The following PTPRD variants were observed in gnomAD, a reference collection of about 807,000 sequenced individuals.
PTPRD encodes receptor-type tyrosine-protein phosphatase delta.
PTPRD carries 34 observed loss-of-function variants against 214.5 expected under a neutral mutation model. The observed-to-expected ratio is 0.16, with a 90% CI of 0.12 to 0.21. The LOEUF (loss-of-function observed/expected upper bound fraction) is 0.21. PTPRD is among the 10% of genes least tolerant of loss of function. The pLI is 1.00. For synonymous variants in PTPRD, 1,128 were observed against 845.7 expected, an observed-to-expected ratio of 1.33 and a Z score of -5.79; for missense variants, 2,545 against 2,398.7, an observed-to-expected ratio of 1.06 and a Z score of -1.27.
intron 2 of PTPRD, among the ~76,000 whole-genome samples, chr9:10,453,755 T>A (rs1329953321): frequency 6.6e-6 from 1 of 151,660 alleles, no homozygotes; most frequent in Non-Finnish European, 1.5e-5. Context: ...ACCAAAACCA[T>A]GTACCTTCTT....
chr9:9,098,629 C>T (rs566584251), intron 10 of PTPRD, among the ~76,000 whole-genome samples: 5 of 152,192 alleles, frequency 3.3e-5, no homozygotes, highest in South Asian at 2.1e-4. Flanking sequence ...AAGTTACTAA[C>T]GATGAAAAGA....
At chr9:10,324,431 T>C (rs1253277895) in intron 3 of PTPRD, among the ~76,000 whole-genome samples, 2 of 152,078 alleles carry the variant, frequency 1.3e-5, no homozygotes, top group African/African-American at 2.4e-5. Context: ...TATGACTTCA[T>C]AGCAAGAATG....
chr9:8,427,760 T>C (rs1480795213), intron 35 of PTPRD, among the ~76,000 whole-genome samples: 3 of 152,086 alleles, frequency 2.0e-5, no homozygotes, highest in African/African-American at 7.2e-5. Context: ...TAGGGTTTCA[T>C]TGATTCTAAG....
intron 43 of PTPRD, among the ~76,000 whole-genome samples, chr9:8,333,935 G>C (rs1306936666): frequency 1.3e-5 from 2 of 152,032 alleles, no homozygotes; most frequent in African/African-American, 2.4e-5. Flanking sequence ...AAGAGACAAA[G>C]AAGGCCATTA....
chr9:10,326,605 A>G (rs1260845005), intron 3 of PTPRD, among the ~76,000 whole-genome samples: 1 of 151,602 alleles, frequency 6.6e-6, no homozygotes, highest in Admixed American at 6.6e-5. Context: ...GTTTTATTGA[A>G]TATTAATTAT....
chr9:9,756,796 T>C (rs886354665), intron 6 of PTPRD, among the ~76,000 whole-genome samples: 1 of 152,114 alleles, frequency 6.6e-6, no homozygotes, highest in African/African-American at 2.4e-5. Context: ...GAGACCACAG[T>C]CTTAAAGATT....
At chr9:9,060,435 G>A (rs1014823089) in intron 10 of PTPRD, among the ~76,000 whole-genome samples, 29 of 151,878 alleles carry the variant, frequency 1.9e-4, no homozygotes, top group Admixed American at 3.9e-4. Context: ...AGAATCTTGG[G>A]ACAGAAGAAA....
rs376893466 is a variant in PTPRD at position 9,396,747 on chromosome 9, C to A, written c.-203+702G>T. On this transcript the variant is annotated intron_variant, in intron 9 of 45. Coordinates refer to ENST00000381196, the MANE Select transcript of PTPRD (RefSeq NM_002839.4). ...AAAAAATGCAACACTTTCTCTCAAT[C>A]TGCTCTAAACTGGTAAACTCTCAAG... Among the ~76,000 whole-genome samples the A allele has an allele frequency of 3.3e-5, 5 of 152,024 alleles. No homozygotes were observed. In the East Asian group the frequency reaches 5.8e-4, roughly 18 times the overall value.
intron 42 of PTPRD, among the ~76,000 whole-genome samples, chr9:8,340,067 G>T (rs558242896): frequency 6.6e-6 from 1 of 152,140 alleles, no homozygotes; most frequent in Non-Finnish European, 1.5e-5. Flanking sequence ...AAAGAAGTCC[G>T]ACATAAGTCA....
chr9:9,585,867 T>G (rs910980580), intron 7 of PTPRD, among the ~76,000 whole-genome samples: 6 of 151,992 alleles, frequency 3.9e-5, no homozygotes, highest in Admixed American at 2.0e-4. Context: ...AAGGGAAGGC[T>G]TGAGGTGTGT....
chr9:8,682,868 T>C (rs1415177046), intron 12 of PTPRD, among the ~76,000 whole-genome samples: 2 of 152,248 alleles, frequency 1.3e-5, no homozygotes, highest in Non-Finnish European at 2.9e-5. Context: ...TGTTCCTTTC[T>C]GAGTTGTTGT....
At chr9:9,308,583 C>G (rs753815990) in intron 9 of PTPRD, among the ~76,000 whole-genome samples, 1 of 152,126 alleles carries the variant, frequency 6.6e-6, no homozygotes, top group Non-Finnish European at 1.5e-5. Context: ...CTATTAAAGA[C>G]TGGTATTTGC....
Position 9,724,137 on chromosome 9 carries a change from G to A in PTPRD, c.-287+10396C>T, listed in dbSNP as rs376458947. On this transcript the variant is annotated intron_variant, in intron 7 of 45. Transcript: ENST00000381196. ...TTGTTATTGTTGTAGCTAAATTCAT[G>A]TGATTGACTTCTAGTTTCAGTACAG... 1.7e-3 allele frequency among the ~76,000 whole-genome samples: 253 copies of A among 152,236 alleles called. 1 individual carries two copies. Among genetic ancestry groups the A allele is most frequent in the African/African-American group, 5.7e-3 (236 of 41,558 alleles).
intron 11 of PTPRD, among the ~76,000 whole-genome samples, chr9:8,895,207 T>G (rs1343720085): frequency 1.3e-5 from 2 of 152,166 alleles, no homozygotes; most frequent in East Asian, 3.9e-4. Context: ...AGAATGACAA[T>G]GTTTCCTTTT....
chr9:8,783,214 G>A (rs2095806402), intron 11 of PTPRD, among the ~76,000 whole-genome samples: 1 of 152,148 alleles, frequency 6.6e-6, no homozygotes, highest in Non-Finnish European at 1.5e-5. Flanking sequence ...AGTTCAAAAT[G>A]ATTGTAATTA....
At chr9:8,776,818 T>A (rs1006705914) in intron 11 of PTPRD, among the ~76,000 whole-genome samples, 2 of 147,464 alleles carry the variant, frequency 1.4e-5, no homozygotes, top group Non-Finnish European at 3.0e-5. Context: ...ATGTATAATA[T>A]ATAAATATAT....
At chr9:9,621,795 T>C (rs1485738322) in intron 7 of PTPRD, among the ~76,000 whole-genome samples, 4 of 152,204 alleles carry the variant, frequency 2.6e-5, no homozygotes, top group Non-Finnish European at 5.9e-5. Flanking sequence ...CAGCTCTGTG[T>C]GGATAGTGAT....
At chr9:10,094,648 A>G (rs751300593) in intron 3 of PTPRD, among the ~76,000 whole-genome samples, 9 of 149,620 alleles carry the variant, frequency 6.0e-5, no homozygotes, top group Non-Finnish European at 1.2e-4. Flanking sequence ...GACATAGCAT[A>G]TCTATAATCA....
chr9:10,565,921 A>C (rs536832177), intron 2 of PTPRD, among the ~76,000 whole-genome samples: 21 of 152,056 alleles, frequency 1.4e-4, no homozygotes, highest in African/African-American at 5.1e-4. Flanking sequence ...TTAACCACTA[A>C]TTTGACTTTT....
Sources: gnomAD v4.1 joint callset for allele counts (sites outside exome capture counted in the v4.1 genomes callset) on GRCh38, gnomAD v4.1.1 for gene constraint, MANE v1.5 for transcripts, NCBI Gene and HGNC (gene_info 2026-07-23, HGNC 2026-07-21) for gene names.